EYS: variants seen among roughly 807,000 people sequenced by gnomAD.
EYS encodes EGF-like photoreceptor maintenance factor, also known as protein eyes shut homolog.
A neutral mutation model predicts 282.1 loss-of-function variants in EYS; 250 were observed. The ratio of observed to expected loss-of-function variants is 0.89; its 90% CI spans 0.80 to 0.98. The LOEUF is 0.98. Ranked by LOEUF, EYS falls within the 50% of genes least tolerant of loss-of-function variation. The probability of loss-of-function intolerance (pLI) is 0.00; values close to 1 mark genes in which losing one functional copy is unlikely to be tolerated. For missense variants in EYS, 4,016 were observed against 3,709.0 expected, an observed-to-expected ratio of 1.08 and a Z score of -2.15; for synonymous variants, 1,355 against 1,282.9, an observed-to-expected ratio of 1.06 and a Z score of -1.20.
At chr6:64,113,146 T>C (rs1773262669) in intron 31 of EYS, among the ~76,000 whole-genome samples, 1 of 152,134 alleles carries the variant, frequency 6.6e-6, no homozygotes, top group African/African-American at 2.4e-5. Context: ...TTTGAAACTA[T>C]TTTTCAACCT....
intron 12 of EYS, among the ~76,000 whole-genome samples, chr6:65,153,437 A>G (rs1372674770): frequency 6.7e-6 from 1 of 149,758 alleles, no homozygotes; most frequent in Non-Finnish European, 1.5e-5. Context: ...GCGTGGTAAT[A>G]TTTTTGTGCA....
intron 12 of EYS, among the ~76,000 whole-genome samples, chr6:65,272,402 C>T (rs1767930036): frequency 6.6e-6 from 1 of 152,088 alleles, no homozygotes; most frequent in Non-Finnish European, 1.5e-5. Flanking sequence ...AGCCTGCAGT[C>T]CATGGATGGC....
At chr6:64,778,369 C>T (rs1773743148) in intron 22 of EYS, among the ~76,000 whole-genome samples, 1 of 152,156 alleles carries the variant, frequency 6.6e-6, no homozygotes, top group Non-Finnish European at 1.5e-5. Context: ...AAATCTTAGG[C>T]TCCAAGCACT....
At chr6:65,591,407 T>C (rs1010481264) in intron 2 of EYS, among the ~76,000 whole-genome samples, 4 of 151,902 alleles carry the variant, frequency 2.6e-5, no homozygotes, top group Non-Finnish European at 5.9e-5. Context: ...TTTCTCATAA[T>C]GCCTTTCCAT....
At chr6:64,259,911 G>A (rs534796667) in intron 30 of EYS, among the ~76,000 whole-genome samples, 1 of 151,854 alleles carries the variant, frequency 6.6e-6, no homozygotes, top group Admixed American at 6.6e-5. Context: ...TCTGCCTAAG[G>A]TGCCTGTGGA....
chr6:64,017,129 T>A (rs150709616), intron 33 of EYS, among the ~76,000 whole-genome samples: 1 of 151,908 alleles, frequency 6.6e-6, no homozygotes, highest in African/African-American at 2.4e-5. Flanking sequence ...GAGGGAAAGC[T>A]GAAAGCAAAA....
intron 35 of EYS, among the ~76,000 whole-genome samples, chr6:63,897,263 G>C (rs566914202): frequency 6.6e-6 from 1 of 152,316 alleles, no homozygotes; most frequent in South Asian, 2.1e-4. Context: ...CTGAACAATG[G>C]TCTTCAAAGA....
intron 12 of EYS, among the ~76,000 whole-genome samples, chr6:65,079,193 T>C (rs1288886269): frequency 2.0e-5 from 3 of 152,088 alleles, no homozygotes; most frequent in Non-Finnish European, 2.9e-5. Flanking sequence ...TATCAAGAAG[T>C]CTGGTTTCTT....
chr6:64,371,509 C>A lies in EYS; in HGVS notation c.6078+17181G>T, dbSNP rs537939175. ...TTCTGTTGGTATTGGGAGGAGAGTT[C>A]TATAGTATGTTTATTAGGTCTATTT... On this transcript the variant is annotated intron_variant, in intron 29 of 42. Coordinates refer to ENST00000503581, the MANE Select transcript of EYS (RefSeq NM_001142800.2). Among the ~76,000 whole-genome samples the A allele has an allele frequency of 8.6e-5, 13 of 152,032 alleles. No individual in the cohort carries two copies. In the South Asian group the frequency reaches 2.1e-3, roughly 24 times the overall value.
At chr6:63,780,759 C>A (rs946649854) in intron 39 of EYS, among the ~76,000 whole-genome samples, 5 of 152,156 alleles carry the variant, frequency 3.3e-5, no homozygotes, top group African/African-American at 1.2e-4. Context: ...TTAATTAGAT[C>A]CCATTTGTCA....
chr6:65,558,622 T>C (rs961179087), intron 2 of EYS, among the ~76,000 whole-genome samples: 1 of 152,212 alleles, frequency 6.6e-6, no homozygotes, highest in Non-Finnish European at 1.5e-5. Context: ...CTGTTCCAGA[T>C]GGGCCACCAC....
At chr6:64,085,619 A>T (rs1001523770) in intron 31 of EYS, among the ~76,000 whole-genome samples, 1 of 152,088 alleles carries the variant, frequency 6.6e-6, no homozygotes, top group African/African-American at 2.4e-5. Flanking sequence ...GCTTTTAGGT[A>T]TGGCACCTCA....
intron 29 of EYS, among the ~76,000 whole-genome samples, chr6:64,312,212 A>G (rs948910657): frequency 6.6e-6 from 1 of 151,946 alleles, no homozygotes; most frequent in African/African-American, 2.4e-5. Context: ...TTCGGCCATT[A>G]CTGAGGCTTG....
chr6:64,128,574 C>A (rs773237690), intron 31 of EYS, among the ~76,000 whole-genome samples: 88 of 152,068 alleles, frequency 5.8e-4, no homozygotes, highest in Non-Finnish European at 1.1e-3. Context: ...TGTCAACATT[C>A]CATGATCTCG....
chr6:64,360,988 T>C (rs1456669754), intron 29 of EYS, among the ~76,000 whole-genome samples: 7 of 151,634 alleles, frequency 4.6e-5, no homozygotes, highest in Non-Finnish European at 8.9e-5. Flanking sequence ...CAGAAGTGTT[T>C]TTCCTTGAAA....
Position 64,846,018 on chromosome 6 carries a change from T to C in EYS, c.2993-23196A>G, listed in dbSNP as rs9363270. Among the ~76,000 whole-genome samples the C allele has an allele frequency of 5.9e-5, 9 of 152,184 alleles. No homozygotes were observed. In the East Asian group the frequency reaches 1.2e-3, roughly 20 times the overall value. On this transcript the variant is annotated intron_variant, in intron 19 of 42. Coordinates refer to ENST00000503581, the MANE Select transcript of EYS (RefSeq NM_001142800.2). The stretch of plus-strand genomic sequence containing the variant: ...CTTTTGTTTTCTTCAACTTAACATA[T>C]GTTTCCAAATTTTTCAAATCAATCA...
intron 26 of EYS, among the ~76,000 whole-genome samples, chr6:64,455,351 A>C (rs1775519137): frequency 6.6e-6 from 1 of 152,150 alleles, no homozygotes; most frequent in African/African-American, 2.4e-5. Context: ...TAATGACAAT[A>C]AGATTTCTTT....
intron 28 of EYS, chr6:64,412,918 A>C (rs1263997148): frequency 6.6e-6 from 1 of 152,118 alleles, no homozygotes; most frequent in Non-Finnish European, 1.5e-5. Context: ...AATAGAGACA[A>C]AATTTTGGAT....
chr6:64,662,148 C>T (rs1052861158), intron 22 of EYS, among the ~76,000 whole-genome samples: 10 of 149,110 alleles, frequency 6.7e-5, no homozygotes, highest in Non-Finnish European at 1.3e-4. Context: ...AAACCAAACA[C>T]CACATGTTCT....
Sources: gnomAD v4.1 joint callset for allele counts (sites outside exome capture counted in the v4.1 genomes callset) on GRCh38, gnomAD v4.1.1 for gene constraint, MANE v1.5 for transcripts, NCBI Gene and HGNC (gene_info 2026-07-23, HGNC 2026-07-21) for gene names.